Variants in MCTP1 observed in about 807,000 individuals in gnomAD.
MCTP1 encodes multiple C2 and transmembrane domain containing 1, also known as multiple C2 and transmembrane domain-containing protein 1.
A neutral mutation model predicts 120.6 loss-of-function variants in MCTP1; 69 were observed. That is an observed-to-expected ratio of 0.57 (90% confidence interval 0.47 to 0.70). MCTP1 has a LOEUF of 0.70. Ranked by LOEUF, MCTP1 falls within the 30% of genes least tolerant of loss-of-function variation. The pLI, the probability that MCTP1 is intolerant of heterozygous loss-of-function variation, is 0.00. For missense variants in MCTP1, 1,203 were observed against 1,248.8 expected, an observed-to-expected ratio of 0.96 and a Z score of 0.55; for synonymous variants, 529 against 493.1, an observed-to-expected ratio of 1.07 and a Z score of -0.96.
intron 3 of MCTP1, among the ~76,000 whole-genome samples, chr5:94,943,097 G>A (rs1818116683): frequency 1.3e-5 from 2 of 152,198 alleles, no homozygotes; most frequent in South Asian, 4.1e-4. Flanking sequence ...CAATGTCTCT[G>A]ACCTCTTGGA....
intron 17 of MCTP1, among the ~76,000 whole-genome samples, chr5:94,822,897 TG>T (rs1370293695): frequency 6.6e-6 from 1 of 152,156 alleles, no homozygotes; most frequent in Admixed American, 6.6e-5. Context: ...CACTTTTTGA[TG>T]GGGTTTTTTC....
chr5:95,130,365 T>C (rs1758950432), intron 1 of MCTP1, among the ~76,000 whole-genome samples: 1 of 152,158 alleles, frequency 6.6e-6, no homozygotes, highest in Non-Finnish European at 1.5e-5. Flanking sequence ...CACTGGTGCT[T>C]CGTTTCCACT....
chr5:94,834,664 C>T (rs1163465715), intron 17 of MCTP1, among the ~76,000 whole-genome samples: 2 of 152,064 alleles, frequency 1.3e-5, no homozygotes, highest in Non-Finnish European at 2.9e-5. Flanking sequence ...CAAAGGCCGC[C>T]GATTCCAGTC....
At chr5:95,263,919 C>G (rs1049002799) in intron 1 of MCTP1, among the ~76,000 whole-genome samples, 3 of 152,204 alleles carry the variant, frequency 2.0e-5, no homozygotes, top group Admixed American at 6.5e-5. Context: ...GCAGGCAACT[C>G]TCCTAGGCCA....
At chr5:95,271,660 G>A (rs462862) in intron 1 of MCTP1, among the ~76,000 whole-genome samples, 130,227 of 152,036 alleles carry the variant, frequency 0.86, 55,895 homozygotes, top group African/African-American at 0.92. Context: ...GTGGCTGTAA[G>A]TATGATACAC....
intron 1 of MCTP1, among the ~76,000 whole-genome samples, chr5:95,176,175 T>A (rs1017679352): frequency 3.9e-5 from 6 of 152,192 alleles, no homozygotes; most frequent in African/African-American, 9.7e-5. Context: ...TATTTTTTTT[T>A]AACAAATATT....
At chr5:95,104,119 C>T (rs564592771) in intron 1 of MCTP1, among the ~76,000 whole-genome samples, 67 of 152,260 alleles carry the variant, frequency 4.4e-4, no homozygotes, top group African/African-American at 1.6e-3. Context: ...ATTACTTATT[C>T]TATAACCTGA....
At chr5:95,068,646 CT>C in intron 1 of MCTP1, 3 of 362,768 alleles carry the variant, frequency 8.3e-6, no homozygotes, top group Non-Finnish European at 1.4e-5. Flanking sequence ...CTTCCATTTC[CT>C]TTGCTGTTCC....
chr5:95,124,155 G>T (rs1409686161), intron 1 of MCTP1, among the ~76,000 whole-genome samples: 2 of 152,172 alleles, frequency 1.3e-5, no homozygotes, highest in Non-Finnish European at 2.9e-5. Flanking sequence ...CCATCCAGCA[G>T]TTACCTACTG....
At chr5:94,886,643 G>A (rs376465496) in intron 12 of MCTP1, among the ~76,000 whole-genome samples, 9 of 152,186 alleles carry the variant, frequency 5.9e-5, no homozygotes, top group East Asian at 1.9e-4. Flanking sequence ...CCTCTACATC[G>A]ACAAAATTCC....
At chr5:95,049,471 A>G (rs1182172979) in intron 1 of MCTP1, among the ~76,000 whole-genome samples, 1 of 152,202 alleles carries the variant, frequency 6.6e-6, no homozygotes, top group Non-Finnish European at 1.5e-5. Context: ...AAGTACCACC[A>G]CATGGGAAAA....
At chr5:94,952,548 G>A (rs973806924) in intron 3 of MCTP1, among the ~76,000 whole-genome samples, 1 of 152,134 alleles carries the variant, frequency 6.6e-6, no homozygotes, top group African/African-American at 2.4e-5. Context: ...GTAGAAAAAG[G>A]TCTGGTCACT....
chr5:95,221,812 T>C (rs1256372968), intron 1 of MCTP1, among the ~76,000 whole-genome samples: 6 of 152,204 alleles, frequency 3.9e-5, no homozygotes, highest in Admixed American at 1.3e-4. Flanking sequence ...CACCCGTTCT[T>C]ACCCAACCAA....
At position 94,743,996 on chromosome 5, in the gene MCTP1, GATGTGGCTCC is replaced by G. The variant is rs2152764554; in HGVS notation, c.2611-29120_2611-29111del. On this transcript the variant is annotated intron_variant, in intron 19 of 22. Coordinates refer to ENST00000515393, the MANE Select transcript of MCTP1 (RefSeq NM_024717.7). ...TTTTCTTGTTCTTTTTCTGAGTCAG[GATGTGGCTCC>G]ATCACCCAAGGTGGAGTGCAGTGGC... is the stretch of plus-strand genomic sequence containing the variant. 2.0e-5 allele frequency among the ~76,000 whole-genome samples: 3 copies of G among 151,692 alleles called. 1 individual carries two copies. The South Asian group carries it at 6.2e-4, about 32-fold the overall frequency.
intron 1 of MCTP1, among the ~76,000 whole-genome samples, chr5:95,198,052 C>T (rs1750588873): frequency 6.6e-6 from 1 of 151,936 alleles, no homozygotes. Context: ...ATTTTTGATC[C>T]ATGGCTCTTT....
chr5:95,080,350 T>A (rs1754615417), intron 1 of MCTP1, among the ~76,000 whole-genome samples: 1 of 152,170 alleles, frequency 6.6e-6, no homozygotes, highest in South Asian at 2.1e-4. Flanking sequence ...AGCAGTATTC[T>A]CCAATTTGGA....
intron 1 of MCTP1, among the ~76,000 whole-genome samples, chr5:95,083,431 C>G (rs1755168455): frequency 6.6e-6 from 1 of 152,262 alleles, no homozygotes; most frequent in East Asian, 1.9e-4. Context: ...TATTTATCTC[C>G]TATTTACAAA....
At chr5:94,976,255 G>A (rs763192037) in intron 2 of MCTP1, among the ~76,000 whole-genome samples, 15 of 152,050 alleles carry the variant, frequency 9.9e-5, no homozygotes, top group African/African-American at 2.2e-4. Context: ...GCCTGTCCTC[G>A]CTTTAGCCAA....
intron 1 of MCTP1, among the ~76,000 whole-genome samples, chr5:95,268,003 C>T (rs918955877): frequency 6.6e-6 from 1 of 152,230 alleles, no homozygotes; most frequent in South Asian, 2.1e-4. Flanking sequence ...TATTTTCATT[C>T]GATCCTAAAT....
Sources: gnomAD v4.1 joint callset for allele counts (sites outside exome capture counted in the v4.1 genomes callset) on GRCh38, gnomAD v4.1.1 for gene constraint, MANE v1.5 for transcripts, NCBI Gene and HGNC (gene_info 2026-07-23, HGNC 2026-07-21) for gene names.